The following EVI5 variants were observed in gnomAD, a reference collection of about 807,000 sequenced individuals.
EVI5 encodes ecotropic viral integration site 5 protein homolog.
A neutral mutation model predicts 112.0 loss-of-function variants in EVI5; 73 were observed. The ratio of observed to expected loss-of-function variants is 0.65; its 90% CI spans 0.54 to 0.79. The LOEUF is 0.79. Among genes scored for constraint, EVI5 ranks in the 30% least tolerant of loss-of-function variants. The probability of loss-of-function intolerance (pLI) is 0.00; values close to 1 mark genes in which losing one functional copy is unlikely to be tolerated. For synonymous variants in EVI5, 305 were observed against 319.9 expected (o/e 0.95, Z 0.50); for missense variants, 900 against 968.8 (o/e 0.93, Z 0.94).
At chr1:92,641,676 C>T (rs974018129) in intron 13 of EVI5, among the ~76,000 whole-genome samples, 4 of 152,122 alleles carry the variant, frequency 2.6e-5, no homozygotes, top group Non-Finnish European at 5.9e-5. Context: ...TTCTACACCA[C>T]AAAATCACAG....
intron 18 of EVI5, among the ~76,000 whole-genome samples, chr1:92,599,757 G>C (rs997439798): frequency 1.3e-5 from 2 of 152,166 alleles, no homozygotes; most frequent in African/African-American, 4.8e-5. Flanking sequence ...AATTCTGAAA[G>C]AATGTGATAG....
At chr1:92,626,783 G>T (rs1655768085) in intron 14 of EVI5, among the ~76,000 whole-genome samples, 1 of 151,994 alleles carries the variant, frequency 6.6e-6, no homozygotes, top group Non-Finnish European at 1.5e-5. Context: ...CTTCTGATCA[G>T]GACTCCAGAT....
chr1:92,638,991 T>C (rs1435704603), intron 13 of EVI5, among the ~76,000 whole-genome samples: 6 of 152,180 alleles, frequency 3.9e-5, no homozygotes, highest in Admixed American at 1.3e-4. Context: ...AGTGAGTAAC[T>C]TGGACAGACA....
intron 13 of EVI5, among the ~76,000 whole-genome samples, chr1:92,662,394 C>A (rs1664179875): frequency 1.3e-5 from 2 of 152,154 alleles, no homozygotes; most frequent in South Asian, 4.1e-4. Flanking sequence ...CAAAATGATA[C>A]CTATTATGAA....
At chr1:92,706,264 G>C (rs925263752) in intron 2 of EVI5, among the ~76,000 whole-genome samples, 1 of 151,972 alleles carries the variant, frequency 6.6e-6, no homozygotes, top group Non-Finnish European at 1.5e-5. Context: ...AAGAATTAAT[G>C]ATGATGTTTT....
intron 18 of EVI5, among the ~76,000 whole-genome samples, chr1:92,570,752 T>C (rs964396619): frequency 3.9e-5 from 6 of 152,176 alleles, no homozygotes; most frequent in African/African-American, 7.2e-5. Context: ...AAAGTTGTTA[T>C]ACAAAAGCTA....
intron 9 of EVI5, among the ~76,000 whole-genome samples, chr1:92,692,443 G>C (rs918688626): frequency 6.6e-6 from 1 of 152,182 alleles, no homozygotes; most frequent in Admixed American, 6.5e-5. Context: ...TCCACACATG[G>C]TAGTTATTTA....
At chr1:92,707,979 G>A (rs976979787) in intron 2 of EVI5, among the ~76,000 whole-genome samples, 4 of 152,098 alleles carry the variant, frequency 2.6e-5, no homozygotes, top group Admixed American at 6.5e-5. Context: ...ATGTTAGAAC[G>A]AAAGAAGCCA....
intron 10 of EVI5, among the ~76,000 whole-genome samples, chr1:92,673,683 T>C (rs1030123512): frequency 1.3e-5 from 2 of 152,088 alleles, no homozygotes; most frequent in African/African-American, 4.8e-5. Context: ...AGAACATCAA[T>C]AGACTGGAAG....
chr1:92,667,065 T>A lies in EVI5; in HGVS notation c.1159-1073A>T, dbSNP rs144787795. ...CACTTTGGGAGACCAGGCAGGTGGA[T>A]CACTTGAGCTTGAGTTCAAGACCAG... is the stretch of plus-strand genomic sequence containing the variant. On this transcript the variant is annotated intron_variant, in intron 10 of 19. Transcript: ENST00000684568. 2.7e-3 allele frequency among the ~76,000 whole-genome samples: 406 copies of A among 152,242 alleles called. 3 individuals carry two copies. The highest frequency in any genetic ancestry group is 9.4e-3 in the African/African-American group (389 of 41,538).
At chr1:92,658,507 G>T (rs562812645) in intron 13 of EVI5, among the ~76,000 whole-genome samples, 1 of 152,178 alleles carries the variant, frequency 6.6e-6, no homozygotes, top group Non-Finnish European at 1.5e-5. Context: ...TAAATACCTG[G>T]GAATACTGTT....
intron 9 of EVI5, among the ~76,000 whole-genome samples, chr1:92,693,539 A>T (rs903194709): frequency 6.6e-6 from 1 of 152,246 alleles, no homozygotes; most frequent in African/African-American, 2.4e-5. Context: ...GGTTTTAAAA[A>T]TAACAGCATC....
At chr1:92,701,899 A>G (rs576355100) in intron 5 of EVI5, among the ~76,000 whole-genome samples, 3 of 105,504 alleles carry the variant, frequency 2.8e-5, no homozygotes, top group Non-Finnish European at 6.0e-5. Context: ...AAGCTTTAGT[A>G]GAATATTACA....
At chr1:92,673,848 T>G (rs1233834984) in intron 10 of EVI5, among the ~76,000 whole-genome samples, 1 of 152,200 alleles carries the variant, frequency 6.6e-6, no homozygotes, top group East Asian at 1.9e-4. Flanking sequence ...GGGGGCTCAC[T>G]GACAGATATA....
At chr1:92,746,743 G>A (rs1342368597) in intron 1 of EVI5, among the ~76,000 whole-genome samples, 1 of 151,722 alleles carries the variant, frequency 6.6e-6, no homozygotes, top group Non-Finnish European at 1.5e-5. Context: ...AAATTAAAAA[G>A]AAAATTAGCC....
chr1:92,683,531 G>C (rs908065754), intron 9 of EVI5, among the ~76,000 whole-genome samples: 4 of 152,266 alleles, frequency 2.6e-5, no homozygotes, highest in South Asian at 4.1e-4. Context: ...TCGCCAGCAA[G>C]GGAACAAAAC....
At chr1:92,777,712 G>A (rs1043332151) in intron 1 of EVI5, among the ~76,000 whole-genome samples, 1 of 152,140 alleles carries the variant, frequency 6.6e-6, no homozygotes, top group Non-Finnish European at 1.5e-5. Flanking sequence ...AGGTGAGATG[G>A]CAGATTGAAC....
chr1:92,566,348 G>A (rs1245491638), intron 18 of EVI5, among the ~76,000 whole-genome samples: 1 of 152,050 alleles, frequency 6.6e-6, no homozygotes, highest in Non-Finnish European at 1.5e-5. Flanking sequence ...CATGATGATG[G>A]TCCCATAAGA....
chr1:92,693,926 A>T (rs1408771276), intron 8 of EVI5, 27 bp from the exon 9 acceptor site: 2 of 1,317,588 alleles, frequency 1.5e-6, no homozygotes, highest in African/African-American at 2.9e-5. Flanking sequence ...AAAAAAACAT[A>T]AGAATGACTT....
Sources: allele counts gnomAD v4.1 joint callset (sites outside exome capture counted in the v4.1 genomes callset), GRCh38; gene constraint gnomAD v4.1.1; transcripts MANE v1.5; gene names NCBI Gene and HGNC (gene_info 2026-07-23, HGNC 2026-07-21).